NAA38: variants seen among roughly 807,000 people sequenced by gnomAD.
NAA38 encodes LSM domain containing 1.
NAA38 carries 15 observed loss-of-function variants against 12.6 expected under a neutral mutation model. The ratio of observed to expected loss-of-function variants is 1.19; its 90% CI spans 0.79 to 1.83. The LOEUF is 1.83. NAA38 is among the 40% of genes most tolerant of loss of function. The probability of loss-of-function intolerance (pLI) is 0.00; values close to 1 mark genes in which losing one functional copy is unlikely to be tolerated. For synonymous variants in NAA38, 88 were observed against 69.9 expected, an observed-to-expected ratio of 1.26 and a Z score of -1.29; for missense variants, 183 against 171.7, an observed-to-expected ratio of 1.07 and a Z score of -0.37.
At chr17:7,882,067 G>A (rs1055625303) in intron 2 of NAA38, among the ~76,000 whole-genome samples, 3 of 152,124 alleles carry the variant, frequency 2.0e-5, no homozygotes, top group African/African-American at 7.2e-5. Flanking sequence ...CAGGCAAAAG[G>A]GAGGATGGAT....
intron 2 of NAA38, among the ~76,000 whole-genome samples, chr17:7,872,561 C>T (rs972522247): frequency 6.6e-6 from 1 of 152,178 alleles, no homozygotes; most frequent in African/African-American, 2.4e-5. Flanking sequence ...CGGGGTTTCA[C>T]CATGTCGGTC....
chr17:7,884,836 G>A, intron 1 of NAA38: 1 of 1,033,464 alleles, frequency 9.7e-7, no homozygotes, highest in Non-Finnish European at 1.4e-6. Flanking sequence ...ACGAGGAGGA[G>A]GAGGAGGAGG....
At chr17:7,884,962 C>A in intron 1 of NAA38, 3 of 1,194,246 alleles carry the variant, frequency 2.5e-6, no homozygotes, top group South Asian at 3.9e-5. Flanking sequence ...AGGGAGTACT[C>A]GGGCGCGGGC....
rs747987481 is a variant in NAA38 at position 7,857,158 on chromosome 17, G to C, written c.122C>G (p.Ala41Gly). Residue 41 changes from alanine to glycine, a missense_variant, in exon 2 of 3, where the codon GCC becomes GGC. Ala to Gly is a moderately conservative substitution (Grantham distance 60). Transcript: ENST00000575771. ...GEREDSAAERARQQLEALLNK... is the reference protein window; with the variant it reads ...GEREDSAAERGRQQLEALLNK... ...GAGCAGCGCCTCTAGCTGCTGTCGGGCGCGCTCAGCCGCCGAGTCCTCGCG... is the reference window on the plus strand; with the variant it reads ...GAGCAGCGCCTCTAGCTGCTGTCGGCCGCGCTCAGCCGCCGAGTCCTCGCG... The C allele has an allele frequency of 1.9e-6, 3 of 1,612,974 alleles. No individual in the cohort carries two copies. The highest frequency in any genetic ancestry group is 1.7e-5 in the Admixed American group (1 of 60,038).
At position 7,877,446 on chromosome 17, in the gene NAA38, T is replaced by C. The variant is rs1215079700; in HGVS notation, c.-66+5789A>G. Among the ~76,000 whole-genome samples the C allele has an allele frequency of 6.3e-5, 9 of 142,314 alleles. No individual in the cohort carries two copies. The Admixed American group carries it at 6.4e-4, about 10-fold the overall frequency. The allele number at this position is 142,314 out of a possible 152,430, so 93.4% of individuals were successfully genotyped here. On this transcript the variant is annotated intron_variant, in intron 2 of 4. Coordinates refer to the NAA38 transcript ENST00000576861. ...CCATGTCTCTACATACAGAAGTAAC[T>C]CATTTTTCTTTTTTCTTTTTCTTTT...
intron 2 of NAA38, chr17:7,866,616 G>T: frequency 1.1e-6 from 1 of 892,886 alleles, no homozygotes; most frequent in Non-Finnish European, 1.5e-6. Flanking sequence ...CCTCTGTGTG[G>T]AACAATCCAC....
upstream of NAA38, chr17:7,858,039 C>T (rs1243802026): frequency 2.6e-6 from 4 of 1,553,482 alleles, no homozygotes; most frequent in Non-Finnish European, 3.5e-6. Context: ...GCTCTCCCCT[C>T]GGCTCCCGGA....
At chr17:7,858,293 G>A (rs954571958), upstream of NAA38, 2 of 1,613,924 alleles carry the variant, frequency 1.2e-6, no homozygotes, top group Non-Finnish European at 1.7e-6. Flanking sequence ...AGGAATACAA[G>A]GGTAAGGGCC....
intron 1 of NAA38, chr17:7,884,916 A>G: frequency 7.3e-7 from 1 of 1,366,290 alleles, no homozygotes. Flanking sequence ...GAGGAGGTGG[A>G]GGCGGCCGAC....
chr17:7,881,772 G>A (rs1967276595), intron 2 of NAA38, among the ~76,000 whole-genome samples: 1 of 150,764 alleles, frequency 6.6e-6, no homozygotes, highest in Non-Finnish European at 1.5e-5. Flanking sequence ...GGGAGCCGTG[G>A]CAGGGCCTGG....
intron 2 of NAA38, chr17:7,883,164 A>G (rs1054571392): frequency 1.3e-5 from 2 of 152,222 alleles, no homozygotes; most frequent in African/African-American, 4.8e-5. Flanking sequence ...CCACTTTACC[A>G]TAAACACTGG....
At chr17:7,884,798 A>T in intron 1 of NAA38, 1 of 523,798 alleles carries the variant, frequency 1.9e-6, no homozygotes, top group Non-Finnish European at 2.9e-6. Context: ...GGGGGGCCAG[A>T]GCCACAGGAT....
intron 2 of NAA38, among the ~76,000 whole-genome samples, chr17:7,871,819 T>C (rs1031244879): frequency 6.6e-6 from 1 of 152,178 alleles, no homozygotes; most frequent in African/African-American, 2.4e-5. Context: ...GATGCCTGGC[T>C]ATTTTTTGTA....
At chr17:7,876,742 T>G (rs1967180984) in intron 2 of NAA38, among the ~76,000 whole-genome samples, 1 of 152,118 alleles carries the variant, frequency 6.6e-6, no homozygotes. Context: ...ATGTCCCTCC[T>G]CCCTTCACCT....
intron 1 of NAA38, 47 bp downstream of exon 1, chr17:7,857,336 T>C: frequency 6.2e-7 from 1 of 1,612,902 alleles, no homozygotes; most frequent in Non-Finnish European, 8.5e-7. Context: ...CCCCTCCATC[T>C]TGCTGCTTGA....
intron 3 of NAA38, chr17:7,866,484 C>A (rs1204369913): frequency 8.1e-7 from 1 of 1,231,350 alleles, no homozygotes; most frequent in African/African-American, 1.6e-5. Flanking sequence ...AACTTAGAAA[C>A]CCTTACCATG....
At chr17:7,856,867 A>C (rs1362855322) in intron 2 of NAA38, 24 bp from the exon 3 acceptor site, 1 of 1,611,448 alleles carries the variant, frequency 6.2e-7, no homozygotes, top group Non-Finnish European at 8.5e-7. Context: ...TCAGAGCATC[A>C]GGAAAGTAGG....
chr17:7,870,707 C>T (rs1967070439), intron 2 of NAA38, among the ~76,000 whole-genome samples: 1 of 151,630 alleles, frequency 6.6e-6, no homozygotes, highest in African/African-American at 2.4e-5. Context: ...CATGGTGAAA[C>T]CCGGTCTCTA....
upstream of NAA38, chr17:7,857,592 C>T (rs903227691): frequency 6.5e-6 from 9 of 1,383,872 alleles, no homozygotes; most frequent in South Asian, 1.6e-4. Context: ...TCCTAGTCTC[C>T]TCGGCAACGG....
Sources: allele counts gnomAD v4.1 joint callset (sites outside exome capture counted in the v4.1 genomes callset), GRCh38; gene constraint gnomAD v4.1.1; transcripts MANE v1.5; gene names NCBI Gene and HGNC (gene_info 2026-07-23, HGNC 2026-07-21).